The following MYEF2 variants were observed in gnomAD, a reference collection of about 807,000 sequenced individuals.
MYEF2 encodes the protein myelin gene expression factor 2.
Under a neutral mutation model 75.2 loss-of-function variants are expected in MYEF2, and 37 were observed. The ratio of observed to expected loss-of-function variants is 0.49; its 90% CI spans 0.38 to 0.65. The LOEUF is 0.65. MYEF2 is among the 30% of genes least tolerant of loss of function. The pLI is 0.00. For missense variants in MYEF2, 634 were observed against 771.4 expected, an observed-to-expected ratio of 0.82 and a Z score of 2.11; for synonymous variants, 195 against 241.6, an observed-to-expected ratio of 0.81 and a Z score of 1.79.
At chr15:48,164,388 C>T (rs1201149965) in intron 5 of MYEF2, among the ~76,000 whole-genome samples, 1 of 152,100 alleles carries the variant, frequency 6.6e-6, no homozygotes, top group African/African-American at 2.4e-5. Context: ...AAAACCTAAA[C>T]AAATTAGGAG....
In MYEF2 at chr15:48,149,302, C is replaced by T. The variant is rs1475260740; in HGVS notation, c.1448G>A (p.Ser483Asn). 6.2e-7 allele frequency: 1 copy of T among 1,613,226 alleles called. No individual in the cohort carries two copies. Residue 483 changes from serine (S) to asparagine (N), a missense_variant, in exon 15 of 17, where the codon AGC (serine) becomes AAC (asparagine). Coordinates refer to ENST00000324324, the MANE Select transcript of MYEF2 (RefSeq NM_016132.5). The surrounding 1 kb of genome is among the most constrained non-coding windows in gnomAD (Gnocchi z 4.0). ...MGMGLDRMSS[S>N]FDRMGPGIGA... ...TATACCTGGTCCCATTCTATCAAAG[C>T]TGGAACTCATCCGGTCCAGTCCCAT...
chr15:48,165,524 A>G (rs532674647), intron 5 of MYEF2, among the ~76,000 whole-genome samples: 5 of 152,038 alleles, frequency 3.3e-5, no homozygotes, highest in African/African-American at 4.8e-5. Context: ...TAAAAAGTGA[A>G]TATCAATTTT....
Position 48,137,039 on chromosome 15 carries a change from G to A in MYEF2, c.*5869C>T. Reference sequence around the variant, plus strand: ...TTAAAATTTCATTTCAATTCAGCAAGTATTGTGTGCTTTTTATGTAAAAAA... The same window carrying A: ...TTAAAATTTCATTTCAATTCAGCAAATATTGTGTGCTTTTTATGTAAAAAA... On this transcript the variant is annotated 3_prime_UTR_variant, in exon 17 of 17. Coordinates refer to ENST00000324324, the MANE Select transcript of MYEF2 (RefSeq NM_016132.5). The A allele has an allele frequency of 1.4e-6, 2 of 1,443,978 alleles. No individual in the cohort carries two copies. Among genetic ancestry groups the A allele is most frequent in the Non-Finnish European group, 1.9e-6 (2 of 1,075,222 alleles). The allele number at this position is 1,443,978 out of a possible 1,614,324, so 89.4% of individuals were successfully genotyped here.
At chr15:48,147,599 C>A (rs1055837801) in intron 16 of MYEF2, among the ~76,000 whole-genome samples, 10 of 152,046 alleles carry the variant, frequency 6.6e-5, no homozygotes, top group African/African-American at 2.4e-4. Flanking sequence ...TCTTCTTACT[C>A]CTGCAAAGAA....
At chr15:48,152,170 C>T in intron 11 of MYEF2, 64 bp downstream of exon 11, 1 of 1,442,088 alleles carries the variant, frequency 6.9e-7, no homozygotes. Context: ...GAATTCTCAA[C>T]ACAGTTTCTA....
In MYEF2 at chr15:48,178,288, G is replaced by A; in HGVS notation, c.-51C>T. On this transcript the variant is annotated 5_prime_UTR_variant, in exon 1 of 17. Coordinates refer to ENST00000324324, the MANE Select transcript of MYEF2 (RefSeq NM_016132.5). Reference sequence around the variant, plus strand: ...CCGCCTGAGCTGAGGGGCTCCGAGCGCGACAATGGCGGCTGCCGGGGAAGC... The same window carrying A: ...CCGCCTGAGCTGAGGGGCTCCGAGCACGACAATGGCGGCTGCCGGGGAAGC... 2 of 1,353,700 alleles carry A rather than the reference G, an allele frequency of 1.5e-6. No homozygotes were observed. The highest frequency in any genetic ancestry group is 2.0e-5 in the South Asian group (1 of 50,930). 83.9% of individuals were successfully genotyped at this position (1,353,700 alleles called of 1,614,324 possible).
Position 48,136,609 on chromosome 15 carries a change from G to A in MYEF2, c.*6299C>T. ...ACTTTTGTTAGAAAATCATTCAATA[G>A]ATACTGCCCAAAAGCTATCAACTCT... is the stretch of plus-strand genomic sequence containing the variant. On this transcript the variant is annotated 3_prime_UTR_variant, in exon 17 of 17. Transcript: ENST00000324324. 7.4e-7 allele frequency: 1 copy of A among 1,343,840 alleles called. No individual in the cohort carries two copies. The highest frequency in any genetic ancestry group is 1.0e-6 in the Non-Finnish European group (1 of 981,198). The allele number at this position is 1,343,840 out of a possible 1,614,324, so 83.2% of individuals were successfully genotyped here.
At chr15:48,157,351 TACTA>T in intron 9 of MYEF2, 1 of 152,228 alleles carries the variant, frequency 6.6e-6, no homozygotes, top group Middle Eastern at 3.4e-3. Context: ...AATTTGATAA[TACTA>T]ACCCATGAGA....
chr15:48,158,515 C>G (rs2039795490), intron 7 of MYEF2, among the ~76,000 whole-genome samples: 1 of 152,054 alleles, frequency 6.6e-6, no homozygotes, highest in Admixed American at 6.6e-5. Flanking sequence ...ATTGTTAAAT[C>G]CATGTATACA....
At position 48,163,743 on chromosome 15, in the gene MYEF2, T is replaced by G. The variant is rs576424077; in HGVS notation, c.525+2190A>C. On this transcript the variant is annotated intron_variant, in intron 5 of 16. Transcript: ENST00000324324. ...TTAATTGACTTGAAGCCAATGCTCA[T>G]TTACCATTCTGAAAATCCTAGGGCC... Among the ~76,000 whole-genome samples the G allele has an allele frequency of 9.5e-4, 144 of 152,282 alleles. 1 individual carries two copies. Among genetic ancestry groups the G allele is most frequent in the African/African-American group, 3.4e-3 (142 of 41,570 alleles).
Position 48,166,103 on chromosome 15 carries a change from A to T in MYEF2, c.431+18T>A. 6.3e-7 allele frequency: 1 copy of T among 1,579,438 alleles called. No individual in the cohort carries two copies. ...AAGTTTAATTTGACTTAAGATACTT[A>T]AAGAAAAAATTTCTTACCCACAACC... On this transcript the variant is annotated intron_variant, in intron 4 of 16. Coordinates refer to ENST00000324324, the MANE Select transcript of MYEF2 (RefSeq NM_016132.5).
At chr15:48,177,236 TAAC>T (rs1215234419) in intron 1 of MYEF2, among the ~76,000 whole-genome samples, 1 of 152,112 alleles carries the variant, frequency 6.6e-6, no homozygotes, top group Non-Finnish European at 1.5e-5. Context: ...AAGGAGAGCA[TAAC>T]ATTTCCCTAG....
chr15:48,153,567 C>G, intron 10 of MYEF2: 1 of 441,150 alleles, frequency 2.3e-6, no homozygotes, highest in Non-Finnish European at 4.1e-6. Context: ...TGCTAAAAGG[C>G]TAGCTACAAC....
chr15:48,159,567 A>G (rs1183800358), intron 6 of MYEF2, 46 bp downstream of exon 6: 5 of 1,508,772 alleles, frequency 3.3e-6, no homozygotes, highest in Non-Finnish European at 4.5e-6. Flanking sequence ...TAATCAAATT[A>G]GCTATCTATC....
Position 48,139,790 on chromosome 15 carries a change from C to T in MYEF2, c.*3118G>A, listed in dbSNP as rs1222757170. ...AACTATGAACAAAGACAAAAATAAT[C>T]TGTAATTTCTCCTACAAAGGTTAAC... On this transcript the variant is annotated 3_prime_UTR_variant, in exon 17 of 17. Transcript: ENST00000324324. 6 of 152,132 alleles carry T rather than the reference C, an allele frequency of 3.9e-5. No individual in the cohort carries two copies. Among genetic ancestry groups the T allele is most frequent in the African/African-American group, 1.4e-4 (6 of 41,456 alleles). The allele number at this position is 152,132 out of a possible 1,614,324, so 9.4% of individuals were successfully genotyped here.
intron 3 of MYEF2, 104 bp downstream of exon 3, chr15:48,167,245 C>T: frequency 8.6e-7 from 1 of 1,163,110 alleles, no homozygotes; most frequent in South Asian, 1.3e-5. Flanking sequence ...TAAAGTAAAA[C>T]AAAATGAAAC....
chr15:48,172,407 A>T (rs1389230091), intron 1 of MYEF2, among the ~76,000 whole-genome samples: 1 of 151,816 alleles, frequency 6.6e-6, no homozygotes, highest in East Asian at 1.9e-4. Flanking sequence ...TATCAAAAAA[A>T]AAAAAAAGAA....
rs1330531246 is a variant in MYEF2, at chr15:48,157,994, T to C, written c.984A>G (p.Pro328=). The C allele has an allele frequency of 1.2e-6, 2 of 1,612,962 alleles. No individual in the cohort carries two copies. The highest frequency in any genetic ancestry group is 2.2e-5 in the South Asian group (2 of 91,026). ...RSHDGKTPQL[P]RGLGGIGMGL... The stretch of plus-strand genomic sequence containing the variant: ...TTTCTCATAATAGCTTTTACTTACG[T>C]GGTAATTGTGGTGTTTTACCATCAT... Residue 328 remains proline (P), a splice_region_variant and synonymous_variant, in exon 9 of 17, where the codon CCA becomes CCG. Coordinates refer to ENST00000324324, the MANE Select transcript of MYEF2 (RefSeq NM_016132.5).
intron 9 of MYEF2, chr15:48,157,518 T>G (rs2039748178): frequency 6.3e-6 from 1 of 158,160 alleles, no homozygotes; most frequent in African/African-American, 2.4e-5. Flanking sequence ...ATGGAACATC[T>G]ATATGATAGA....
Sources: allele counts gnomAD v4.1 joint callset (sites outside exome capture counted in the v4.1 genomes callset), GRCh38; gene constraint gnomAD v4.1.1; non-coding constraint Gnocchi (gnomAD v3.1); transcripts MANE v1.5; gene names NCBI Gene and HGNC (gene_info 2026-07-23, HGNC 2026-07-21).